Variants in TESK2 observed in about 807,000 individuals in gnomAD.
TESK2 encodes testis associated actin remodelling kinase 2.
A neutral mutation model predicts 57.1 loss-of-function variants in TESK2; 39 were observed. The ratio of observed to expected loss-of-function variants is 0.68; its 90% CI spans 0.53 to 0.89. The LOEUF (loss-of-function observed/expected upper bound fraction) is 0.89. TESK2 is among the 40% of genes least tolerant of loss of function. TESK2 has a pLI of 0.00. For synonymous variants in TESK2, 249 were observed against 267.9 expected, an observed-to-expected ratio of 0.93 and a Z score of 0.69; for missense variants, 646 against 732.1, an observed-to-expected ratio of 0.88 and a Z score of 1.36.
intron 2 of TESK2, among the ~76,000 whole-genome samples, chr1:45,446,875 G>A (rs1241895373): frequency 6.6e-6 from 1 of 152,128 alleles, no homozygotes; most frequent in African/African-American, 2.4e-5. Flanking sequence ...AAGAAAGAAG[G>A]GGTATCCTTT....
At chr1:45,444,546 C>T (rs951380477) in intron 2 of TESK2, among the ~76,000 whole-genome samples, 2 of 152,176 alleles carry the variant, frequency 1.3e-5, no homozygotes, top group African/African-American at 4.8e-5. Flanking sequence ...GAACCACACA[C>T]ACTGTACAGA....
At chr1:45,350,187 T>C (rs561534638) in intron 5 of TESK2, among the ~76,000 whole-genome samples, 4 of 152,256 alleles carry the variant, frequency 2.6e-5, no homozygotes, top group Non-Finnish European at 5.9e-5. Flanking sequence ...ACAATAATCA[T>C]ACATTCCACT....
At chr1:45,482,600 T>TAA (rs34879699) in intron 1 of TESK2, among the ~76,000 whole-genome samples, 3 of 137,370 alleles carry the variant, frequency 2.2e-5, no homozygotes, top group Non-Finnish European at 3.1e-5. Flanking sequence ...GGTCAGCCAT[T>TAA]AAAAAAAAAA....
At chr1:45,386,005 A>C (rs1218242341) in intron 3 of TESK2, 45 bp from the exon 4 acceptor site, 2 of 1,431,420 alleles carry the variant, frequency 1.4e-6, no homozygotes, top group Non-Finnish European at 9.8e-7. Flanking sequence ...AAGGACACAA[A>C]TATAAATTCA....
chr1:45,345,662 GC>G (rs1647131565), intron 10 of TESK2, 104 bp from the exon 11 acceptor site: 1 of 1,140,170 alleles, frequency 8.8e-7, no homozygotes, highest in Admixed American at 2.1e-5. Flanking sequence ...TGATACCATG[GC>G]CCTGTTTTAC....
At chr1:45,454,100 A>T (rs1199461775) in intron 2 of TESK2, among the ~76,000 whole-genome samples, 1 of 152,202 alleles carries the variant, frequency 6.6e-6, no homozygotes, top group Non-Finnish European at 1.5e-5. Context: ...TACGGAAAAC[A>T]GTCTGGTGGG....
chr1:45,442,972 G>A (rs935845733), intron 2 of TESK2, among the ~76,000 whole-genome samples: 2 of 152,148 alleles, frequency 1.3e-5, no homozygotes, highest in Non-Finnish European at 2.9e-5. Context: ...TTTTAGTAAT[G>A]ACGGGGTTTC....
intron 4 of TESK2, among the ~76,000 whole-genome samples, chr1:45,365,333 T>G (rs1228414491): frequency 2.0e-5 from 3 of 152,118 alleles, no homozygotes; most frequent in African/African-American, 7.2e-5. Context: ...AGTAATGAGC[T>G]GACTCAAAAA....
At chr1:45,385,696 A>ATG (rs199702121) in intron 4 of TESK2, among the ~76,000 whole-genome samples, 2,266 of 141,744 alleles carry the variant, frequency 0.016, 32 homozygotes, top group Non-Finnish European at 0.024. Flanking sequence ...CTTAAAGTGT[A>ATG]TGTGTGTGTG....
At chr1:45,368,391 T>C (rs1354456528) in intron 4 of TESK2, among the ~76,000 whole-genome samples, 1 of 152,070 alleles carries the variant, frequency 6.6e-6, no homozygotes, top group Admixed American at 6.6e-5. Context: ...TGTTTTGTTT[T>C]TCAGACGGAG....
At chr1:45,427,380 A>C (rs1012606104) in intron 2 of TESK2, among the ~76,000 whole-genome samples, 1 of 152,196 alleles carries the variant, frequency 6.6e-6, no homozygotes, top group Non-Finnish European at 1.5e-5. Flanking sequence ...GAATAGAGCT[A>C]CCATATGATC....
At chr1:45,431,650 G>A (rs1181832558) in intron 2 of TESK2, among the ~76,000 whole-genome samples, 3 of 152,078 alleles carry the variant, frequency 2.0e-5, no homozygotes, top group Non-Finnish European at 4.4e-5. Flanking sequence ...TGTGGATAAG[G>A]GATACTCAAC....
intron 4 of TESK2, among the ~76,000 whole-genome samples, chr1:45,360,711 T>C (rs1647645414): frequency 6.6e-6 from 1 of 152,248 alleles, no homozygotes; most frequent in African/African-American, 2.4e-5. Flanking sequence ...CTTTGGTGAA[T>C]ACATTAGTTG....
chr1:45,376,008 TA>T (rs1648406066), intron 4 of TESK2, among the ~76,000 whole-genome samples: 5 of 152,080 alleles, frequency 3.3e-5, no homozygotes, highest in African/African-American at 1.2e-4. Context: ...AGGGAGTTAC[TA>T]AAAATAAGAA....
intron 4 of TESK2, 124 bp from the exon 5 acceptor site, chr1:45,355,573 T>G: frequency 9.3e-7 from 1 of 1,074,106 alleles, no homozygotes; most frequent in Non-Finnish European, 1.3e-6. Context: ...ACTGAGGGCT[T>G]ATTCTGCCTC....
At chr1:45,441,289 G>C (rs972120729) in intron 2 of TESK2, among the ~76,000 whole-genome samples, 2 of 152,096 alleles carry the variant, frequency 1.3e-5, no homozygotes, top group Admixed American at 6.5e-5. Flanking sequence ...TCCTGCCTCA[G>C]CATCCTGAGT....
At chr1:45,477,829 C>A (rs1228271735) in intron 1 of TESK2, among the ~76,000 whole-genome samples, 2 of 152,062 alleles carry the variant, frequency 1.3e-5, no homozygotes. Context: ...TATAATTAGG[C>A]TAATCATTAT....
chr1:45,489,229 C>T (rs971702155), intron 1 of TESK2, among the ~76,000 whole-genome samples: 3 of 152,130 alleles, frequency 2.0e-5, no homozygotes, highest in Admixed American at 6.5e-5. Context: ...TCTTGAAATC[C>T]TTTCTTTGGC....
At position 45,491,140 on chromosome 1, in the gene TESK2, T is replaced by G. The variant is rs1192938684; in HGVS notation, c.-375A>C. 6.6e-6 allele frequency: 1 copy of G among 152,258 alleles called. No individual in the cohort carries two copies. Among genetic ancestry groups the G allele is most frequent in the African/African-American group, 2.4e-5 (1 of 41,458 alleles). 9.4% of individuals were successfully genotyped at this position (152,258 alleles called of 1,614,324 possible). A position where few individuals can be genotyped will look rare whatever the true frequency, so the allele number is the denominator to read the frequency against. On this transcript the variant is annotated 5_prime_UTR_variant, in exon 1 of 11. Transcript: ENST00000372086. ...AAGCCAACAGGGCAGCTGGTAGCTC[T>G]GCTGAGCTCCCGGGCCGCGAAAGAC...
Sources: allele counts gnomAD v4.1 joint callset (sites outside exome capture counted in the v4.1 genomes callset), GRCh38; gene constraint gnomAD v4.1.1; transcripts MANE v1.5; gene names NCBI Gene and HGNC (gene_info 2026-07-23, HGNC 2026-07-21).